Variants in RPS6KC1 observed in about 807,000 individuals in gnomAD.
The protein encoded by RPS6KC1 is ribosomal protein S6 kinase C1.
A neutral mutation model predicts 103.8 loss-of-function variants in RPS6KC1; 54 were observed. That is an observed-to-expected ratio of 0.52 (90% CI 0.42 to 0.65). The LOEUF (loss-of-function observed/expected upper bound fraction) is 0.65, where lower values mean the gene tolerates loss of function less well. RPS6KC1 is among the 30% of genes least tolerant of loss of function. The pLI is 0.00. For missense variants in RPS6KC1, 1,151 were observed against 1,253.8 expected (o/e 0.92, Z 1.24); for synonymous variants, 439 against 438.7 (o/e 1.00, Z -0.01).
chr1:213,844,033 T>C, the RPS6KC1 span, among the ~76,000 whole-genome samples: 21 of 152,130 alleles, frequency 1.4e-4, no homozygotes, highest in East Asian at 5.8e-4. Context: ...AAAAGAACTT[T>C]GCAATAAATG....
chr1:213,232,393 C>G (rs771830899), intron 10 of RPS6KC1, 138 bp downstream of exon 10: 1 of 1,066,106 alleles, frequency 9.4e-7, no homozygotes, highest in African/African-American at 1.6e-5. Context: ...TGCTCTACCT[C>G]CCTACTTTGA....
chr1:213,595,648 C>G, the RPS6KC1 span, among the ~76,000 whole-genome samples: 2 of 152,298 alleles, frequency 1.3e-5, no homozygotes, highest in Non-Finnish European at 2.9e-5. Flanking sequence ...CCCAGCAATT[C>G]GTGCCTTGTT....
At chr1:213,128,238 C>T (rs1247092121) in intron 5 of RPS6KC1, among the ~76,000 whole-genome samples, 2 of 152,038 alleles carry the variant, frequency 1.3e-5, no homozygotes, top group African/African-American at 4.8e-5. Flanking sequence ...AAATGTAAAA[C>T]AATGTAAAAC....
chr1:213,319,570 A>T, the RPS6KC1 span, among the ~76,000 whole-genome samples: 1 of 152,220 alleles, frequency 6.6e-6, no homozygotes, highest in Non-Finnish European at 1.5e-5. Context: ...TGAAAGCAAG[A>T]ACACATTGCC....
intron 8 of RPS6KC1, among the ~76,000 whole-genome samples, chr1:213,196,751 C>A (rs1241942391): frequency 6.6e-6 from 1 of 152,126 alleles, no homozygotes; most frequent in Admixed American, 6.5e-5. Context: ...CCTTTACCCA[C>A]TTCATGTTTT....
chr1:213,243,512 G>T (rs1017240583), intron 12 of RPS6KC1, among the ~76,000 whole-genome samples: 8 of 152,104 alleles, frequency 5.3e-5, no homozygotes, highest in African/African-American at 1.9e-4. Flanking sequence ...GTTTTATCTT[G>T]CCTTTACTGT....
At chr1:213,375,280 TATACACACATAC>T in the RPS6KC1 span, among the ~76,000 whole-genome samples, 1 of 151,530 alleles carries the variant, frequency 6.6e-6, no homozygotes, top group African/African-American at 2.4e-5. Flanking sequence ...CACATACATA[TATACACACATAC>T]ATACACACAT....
At chr1:213,565,335 T>C in the RPS6KC1 span, among the ~76,000 whole-genome samples, 1 of 152,216 alleles carries the variant, frequency 6.6e-6, no homozygotes, top group African/African-American at 2.4e-5. Flanking sequence ...GCAGCTTTAT[T>C]GATAATGTCC....
the RPS6KC1 span, among the ~76,000 whole-genome samples, chr1:213,412,607 A>C: frequency 1.4e-4 from 22 of 152,232 alleles, no homozygotes; most frequent in Non-Finnish European, 2.9e-4. Flanking sequence ...ATGCACAGGC[A>C]AGTGATGTAG....
chr1:213,120,595 C>T (rs770822862), intron 5 of RPS6KC1, among the ~76,000 whole-genome samples: 4 of 151,916 alleles, frequency 2.6e-5, no homozygotes, highest in South Asian at 2.1e-4. Context: ...TTAGAGGGAT[C>T]GTGGTGACAA....
chr1:213,799,565 AC>A, the RPS6KC1 span, among the ~76,000 whole-genome samples: 1 of 152,222 alleles, frequency 6.6e-6, no homozygotes, highest in Non-Finnish European at 1.5e-5. Context: ...TCCCTGTCAA[AC>A]TTTATGGTAT....
At chr1:213,289,194 G>A in the RPS6KC1 span, among the ~76,000 whole-genome samples, 1 of 136,094 alleles carries the variant, frequency 7.3e-6, no homozygotes, top group Non-Finnish European at 1.5e-5. Context: ...CTAACCTTTA[G>A]AGCTCAAATG....
the RPS6KC1 span, among the ~76,000 whole-genome samples, chr1:213,391,109 C>T: frequency 2.6e-5 from 4 of 152,112 alleles, no homozygotes; most frequent in Non-Finnish European, 4.4e-5. Flanking sequence ...TAGTTTTGTG[C>T]ATACTTACCG....
At chr1:213,675,604 T>C in the RPS6KC1 span, among the ~76,000 whole-genome samples, 47 of 152,174 alleles carry the variant, frequency 3.1e-4, no homozygotes, top group African/African-American at 1.1e-3. Context: ...AGGCTGGGCA[T>C]GGTGGCTCAC....
the RPS6KC1 span, among the ~76,000 whole-genome samples, chr1:213,394,426 A>AC: frequency 6.6e-6 from 1 of 150,976 alleles, no homozygotes; most frequent in South Asian, 2.1e-4. Flanking sequence ...CACCCCTCAC[A>AC]CCCCCCTACC....
At chr1:213,757,243 A>T in the RPS6KC1 span, among the ~76,000 whole-genome samples, 1 of 152,244 alleles carries the variant, frequency 6.6e-6, no homozygotes, top group Non-Finnish European at 1.5e-5. Context: ...GGCATGTCAA[A>T]ACCCAAGATA....
intron 14 of RPS6KC1, among the ~76,000 whole-genome samples, chr1:213,269,508 T>C (rs895802073): frequency 3.3e-5 from 5 of 151,770 alleles, no homozygotes; most frequent in Non-Finnish European, 7.4e-5. Context: ...ATCTCCAAGA[T>C]AGATCACATG....
the RPS6KC1 span, among the ~76,000 whole-genome samples, chr1:213,594,468 T>G: frequency 1.7e-4 from 26 of 152,328 alleles, no homozygotes; most frequent in Middle Eastern, 3.4e-3. Flanking sequence ...AAATTTAACA[T>G]TATGTATGTG....
rs567683596 is a variant in RPS6KC1, at chr1:213,167,845, C to CT, written c.836-3dup. On this transcript the variant is annotated splice_polypyrimidine_tract_variant and intron_variant, in intron 6 of 14. Transcript: ENST00000366960. ...AAAATTTATTTTTTACATGTCCAGA[C>CT]TTTTTTTTTTAGGAGAGTCAAGCCC... 8,828 of 1,244,628 alleles carry CT rather than the reference C, an allele frequency of 7.1e-3. No homozygotes were observed. The highest frequency in any genetic ancestry group is 0.011 in the South Asian group (707 of 65,630). 77.1% of individuals were successfully genotyped at this position (1,244,628 alleles called of 1,614,324 possible).
Sources: allele counts gnomAD v4.1 joint callset (sites outside exome capture counted in the v4.1 genomes callset), GRCh38; gene constraint gnomAD v4.1.1; transcripts MANE v1.5; gene names NCBI Gene and HGNC (gene_info 2026-07-23, HGNC 2026-07-21).